The following CACNA2D3 variants were observed in gnomAD, a reference collection of about 807,000 sequenced individuals.
CACNA2D3 encodes the protein calcium voltage-gated channel auxiliary subunit alpha2delta 3, also known as voltage-dependent calcium channel subunit alpha-2/delta-3.
A neutral mutation model predicts 160.6 loss-of-function variants in CACNA2D3; 60 were observed. That is an observed-to-expected ratio of 0.37 (90% CI 0.30 to 0.46). The LOEUF is 0.46. Among genes scored for constraint, CACNA2D3 ranks in the 20% least tolerant of loss-of-function variants. CACNA2D3 has a pLI of 1.00. For missense variants in CACNA2D3, 1,205 were observed against 1,365.0 expected (o/e 0.88, Z 1.85); for synonymous variants, 558 against 492.9 (o/e 1.13, Z -1.75).
At chr3:54,601,166 T>C (rs1485915239) in intron 9 of CACNA2D3, among the ~76,000 whole-genome samples, 1 of 152,216 alleles carries the variant, frequency 6.6e-6, no homozygotes, top group African/African-American at 2.4e-5. Context: ...TGACCAAAAC[T>C]TGGCTGGGCC....
At chr3:54,522,938 TTACTTACTTACTTAC>T (rs1701669264) in intron 5 of CACNA2D3, among the ~76,000 whole-genome samples, 1 of 123,714 alleles carries the variant, frequency 8.1e-6, no homozygotes, top group Admixed American at 8.6e-5. Context: ...ATTTATTTAC[TTACTTACTTACTTAC>T]TTACTTACTT....
chr3:54,985,040 G>A (rs940760892), intron 30 of CACNA2D3, among the ~76,000 whole-genome samples: 2 of 152,212 alleles, frequency 1.3e-5, no homozygotes, highest in African/African-American at 2.4e-5. Flanking sequence ...TTTTCCTTCC[G>A]ATATTTCATC....
intron 5 of CACNA2D3, among the ~76,000 whole-genome samples, chr3:54,560,891 T>G (rs914009627): frequency 2.6e-5 from 4 of 152,208 alleles, no homozygotes; most frequent in African/African-American, 4.8e-5. Flanking sequence ...GTTGTAGGCA[T>G]GCAGTCTTAT....
At chr3:54,263,701 G>C (rs964874160) in intron 2 of CACNA2D3, among the ~76,000 whole-genome samples, 1 of 152,164 alleles carries the variant, frequency 6.6e-6, no homozygotes, top group Non-Finnish European at 1.5e-5. Context: ...CACATGTTGT[G>C]CACCTTTGGT....
intron 27 of CACNA2D3, among the ~76,000 whole-genome samples, chr3:54,911,264 A>T (rs746940151): frequency 2.0e-5 from 3 of 146,398 alleles, no homozygotes; most frequent in Non-Finnish European, 4.5e-5. Context: ...TTGAATCAGG[A>T]TCTTCTTCCT....
intron 31 of CACNA2D3, among the ~76,000 whole-genome samples, chr3:54,993,105 G>A (rs1251882971): frequency 6.6e-6 from 1 of 152,054 alleles, no homozygotes; most frequent in Non-Finnish European, 1.5e-5. Flanking sequence ...ATCCAATCTC[G>A]GCCCCACCTC....
intron 2 of CACNA2D3, among the ~76,000 whole-genome samples, chr3:54,226,801 C>T (rs1158322130): frequency 2.0e-5 from 3 of 152,144 alleles, no homozygotes; most frequent in Non-Finnish European, 2.9e-5. Flanking sequence ...GTTGAGTTCA[C>T]CTCAGGAAGT....
intron 10 of CACNA2D3, among the ~76,000 whole-genome samples, chr3:54,629,532 A>T (rs1699189336): frequency 6.6e-6 from 1 of 152,154 alleles, no homozygotes; most frequent in Non-Finnish European, 1.5e-5. Context: ...CTCAGTACAA[A>T]TCCAAAGCCC....
intron 17 of CACNA2D3, among the ~76,000 whole-genome samples, chr3:54,864,157 C>T (rs9842645): frequency 0.074 from 11,186 of 152,184 alleles, 1,351 homozygotes; most frequent in African/African-American, 0.25. Flanking sequence ...TCCTCCCATA[C>T]CACAAGGGTT....
intron 5 of CACNA2D3, among the ~76,000 whole-genome samples, chr3:54,509,113 A>G (rs1251597197): frequency 1.3e-5 from 2 of 152,170 alleles, no homozygotes; most frequent in African/African-American, 2.4e-5. Context: ...CCTTAATTAC[A>G]TGTGTATATT....
intron 11 of CACNA2D3, among the ~76,000 whole-genome samples, chr3:54,719,021 A>G (rs561550082): frequency 5.8e-4 from 89 of 152,148 alleles, no homozygotes; most frequent in Non-Finnish European, 1.2e-3. Context: ...AAGTTCACTT[A>G]CTGAAAAGGG....
rs201422704 is a variant in CACNA2D3 at position 54,921,211 on chromosome 3, A to G, written c.2449+21343A>G. Among the ~76,000 whole-genome samples, 717 of 151,872 alleles carry G rather than the reference A, an allele frequency of 4.7e-3. 9 individuals are homozygous for G. The highest frequency in any genetic ancestry group is 0.016 in the African/African-American group (669 of 41,432). On this transcript the variant is annotated intron_variant, in intron 27 of 37. Coordinates refer to ENST00000474759, the MANE Select transcript of CACNA2D3 (RefSeq NM_018398.3). The stretch of plus-strand genomic sequence containing the variant: ...CTTCACCTCTGTCTTGGGAGAAACT[A>G]GATTCAAATCTTGAGTCTGAACATT...
intron 4 of CACNA2D3, among the ~76,000 whole-genome samples, chr3:54,443,639 A>G (rs1368173231): frequency 6.6e-6 from 1 of 152,072 alleles, no homozygotes; most frequent in African/African-American, 2.4e-5. Flanking sequence ...CGACCCTGGC[A>G]TTTGCTCTGC....
At chr3:54,933,352 A>G (rs577335333) in intron 27 of CACNA2D3, among the ~76,000 whole-genome samples, 38 of 152,358 alleles carry the variant, frequency 2.5e-4, no homozygotes, top group African/African-American at 7.9e-4. Flanking sequence ...AGTCTAGTTC[A>G]GGTTGACAGG....
At chr3:54,772,386 T>C (rs142291798) in intron 13 of CACNA2D3, among the ~76,000 whole-genome samples, 1 of 152,168 alleles carries the variant, frequency 6.6e-6, no homozygotes, top group East Asian at 1.9e-4. Flanking sequence ...TATACATTGA[T>C]CCATAGTTTT....
chr3:54,316,140 T>TGCTG (rs1703855401), intron 2 of CACNA2D3, among the ~76,000 whole-genome samples: 1 of 77,980 alleles, frequency 1.3e-5, no homozygotes, highest in African/African-American at 3.5e-5. Context: ...AGTAAGCAGT[T>TGCTG]ACTGTCATAC....
At chr3:55,054,385 C>A (rs192401103) in intron 35 of CACNA2D3, among the ~76,000 whole-genome samples, 3 of 151,786 alleles carry the variant, frequency 2.0e-5, no homozygotes, top group African/African-American at 7.2e-5. Flanking sequence ...GACCTGACTT[C>A]AGGTATACTG....
In CACNA2D3 at chr3:54,896,731, A is replaced by AT. The variant is rs1185084810; in HGVS notation, c.2247-16dup. ...CTGCTGAGTGATGCATGTTCTTCTGATTCTTTTCCACTTCAAGGGACTTCC... is the reference window on the plus strand; with the variant it reads ...CTGCTGAGTGATGCATGTTCTTCTGATTTCTTTTCCACTTCAAGGGACTTCC... On this transcript the variant is annotated splice_polypyrimidine_tract_variant and intron_variant, in intron 25 of 37. Coordinates refer to ENST00000474759, the MANE Select transcript of CACNA2D3 (RefSeq NM_018398.3). The AT allele has an allele frequency of 6.2e-7, 1 of 1,613,864 alleles. No homozygotes were observed. The highest frequency in any genetic ancestry group is 8.5e-7 in the Non-Finnish European group (1 of 1,179,844).
intron 27 of CACNA2D3, among the ~76,000 whole-genome samples, chr3:54,960,464 G>A (rs886887061): frequency 2.0e-5 from 3 of 152,052 alleles, no homozygotes; most frequent in Admixed American, 2.0e-4. Context: ...TAAAATATGA[G>A]GTGTTTCTGC....
Sources: gnomAD v4.1 joint callset for allele counts (sites outside exome capture counted in the v4.1 genomes callset) on GRCh38, gnomAD v4.1.1 for gene constraint, MANE v1.5 for transcripts, NCBI Gene and HGNC (gene_info 2026-07-23, HGNC 2026-07-21) for gene names.